Variants in NR3C2 observed in about 807,000 individuals in gnomAD.
NR3C2 encodes mineralocorticoid receptor.
NR3C2 carries 15 observed loss-of-function variants against 86.4 expected under a neutral mutation model. The ratio of observed to expected loss-of-function variants is 0.17; its 90% CI spans 0.12 to 0.27. The LOEUF is 0.27. Ranked by LOEUF, NR3C2 falls within the 10% of genes least tolerant of loss-of-function variation. NR3C2 has a pLI of 1.00. For missense variants in NR3C2, 960 were observed against 1,195.6 expected (o/e 0.80, Z 2.91); for synonymous variants, 458 against 450.5 (o/e 1.02, Z -0.21).
At chr4:148,357,683 T>C (rs954770444) in intron 2 of NR3C2, among the ~76,000 whole-genome samples, 5 of 152,202 alleles carry the variant, frequency 3.3e-5, no homozygotes, top group African/African-American at 4.8e-5. Context: ...AGGCTCTTCA[T>C]TTAACATTAA....
chr4:148,373,134 A>G (rs13144019), intron 2 of NR3C2, among the ~76,000 whole-genome samples: 61,259 of 152,012 alleles, frequency 0.4, 14,362 homozygotes, highest in East Asian at 0.75. Flanking sequence ...TTCTAAGGGA[A>G]GCCAAGTTCC....
At position 148,234,396 on chromosome 4, in the gene NR3C2, G is replaced by C. The variant is rs573560757; in HGVS notation, c.1897+25582C>G. On this transcript the variant is annotated intron_variant, in intron 3 of 8. Transcript: ENST00000358102. ...TTTAAAAAGGGGAGGGAGAGGCTGG[G>C]GGCAGTGGCTCAAGCCTGTAATCCC... Among the ~76,000 whole-genome samples, 134 of 152,214 alleles carry C rather than the reference G, an allele frequency of 8.8e-4. 1 individual carries two copies. Among genetic ancestry groups the C allele is most frequent in the African/African-American group, 3.2e-3 (131 of 41,550 alleles).
At chr4:148,262,972 C>T (rs1740200679) in intron 2 of NR3C2, among the ~76,000 whole-genome samples, 1 of 152,188 alleles carries the variant, frequency 6.6e-6, no homozygotes, top group African/African-American at 2.4e-5. Flanking sequence ...CACCTCTTAC[C>T]TGGGATTCTG....
intron 4 of NR3C2, among the ~76,000 whole-genome samples, chr4:148,159,912 C>A (rs1734578721): frequency 6.6e-6 from 1 of 152,156 alleles, no homozygotes; most frequent in African/African-American, 2.4e-5. Context: ...GGCCATTGAG[C>A]TTTGTGATCT....
At chr4:148,442,538 C>T (rs895370592), upstream of NR3C2, 1 of 532,820 alleles carries the variant, frequency 1.9e-6, no homozygotes. Flanking sequence ...GGTCACATGT[C>T]CAGATAAAGT....
At chr4:148,105,388 C>A (rs997923920) in intron 8 of NR3C2, among the ~76,000 whole-genome samples, 3 of 152,106 alleles carry the variant, frequency 2.0e-5, no homozygotes, top group East Asian at 1.9e-4. Context: ...TAATTAATAG[C>A]CTACCAACCA....
At chr4:148,394,448 G>T (rs1226907193) in intron 2 of NR3C2, among the ~76,000 whole-genome samples, 1 of 151,572 alleles carries the variant, frequency 6.6e-6, no homozygotes, top group East Asian at 1.9e-4. Context: ...GGGAGGCTGA[G>T]GCAGCAGGAA....
chr4:148,258,816 G>A (rs1739952499), intron 3 of NR3C2, among the ~76,000 whole-genome samples: 1 of 152,220 alleles, frequency 6.6e-6, no homozygotes, highest in Non-Finnish European at 1.5e-5. Context: ...CAGTATGTGA[G>A]CCAATGAATT....
At position 148,127,827 on chromosome 4, in the gene NR3C2, G is replaced by A. The variant is rs547929444; in HGVS notation, c.2511-7539C>T. Among the ~76,000 whole-genome samples, 286 of 152,278 alleles carry A rather than the reference G, an allele frequency of 1.9e-3. 1 individual carries two copies. The highest frequency in any genetic ancestry group is 6.7e-3 in the African/African-American group (278 of 41,580). On this transcript the variant is annotated intron_variant, in intron 6 of 8. Coordinates refer to ENST00000358102, the MANE Select transcript of NR3C2 (RefSeq NM_000901.5). ...TTGTAAACTTGAAATTTTCTCAAAT[G>A]AGGAAGCCAATTTTATTTGTAGCTA...
chr4:148,249,925 T>C (rs181861326), intron 3 of NR3C2, among the ~76,000 whole-genome samples: 117 of 152,270 alleles, frequency 7.7e-4, no homozygotes, highest in African/African-American at 2.6e-3. Context: ...GATGTGGATT[T>C]GGTTTATGGT....
At chr4:148,431,114 G>A (rs1332242813) in intron 2 of NR3C2, among the ~76,000 whole-genome samples, 1 of 152,064 alleles carries the variant, frequency 6.6e-6, no homozygotes. Flanking sequence ...ATGAGGAATT[G>A]TATAAATAAG....
At chr4:148,322,359 G>A (rs1001351747) in intron 2 of NR3C2, among the ~76,000 whole-genome samples, 1 of 140,426 alleles carries the variant, frequency 7.1e-6, no homozygotes, top group Admixed American at 7.2e-5. Flanking sequence ...CATGTGTCTT[G>A]GAGTTGCTCT....
rs564012399 is a variant in NR3C2, at chr4:148,376,158, A to C, written c.1757+58946T>G. On this transcript the variant is annotated intron_variant, in intron 2 of 8. Transcript: ENST00000358102. ...TCAGGAGTAAGGCAAAAAAAAAAAA[A>C]AAAACCCACGACGACTGGGCATTTT... Among the ~76,000 whole-genome samples, 3 of 151,740 alleles carry C rather than the reference A, an allele frequency of 2.0e-5. No individual in the cohort carries two copies. The South Asian group carries it at 6.2e-4, about 32-fold the overall frequency.
At chr4:148,097,757 T>G (rs956986039) in intron 8 of NR3C2, among the ~76,000 whole-genome samples, 17 of 150,228 alleles carry the variant, frequency 1.1e-4, no homozygotes, top group South Asian at 2.1e-4. Flanking sequence ...TTTTGTTTTT[T>G]TTTTTTTTTT....
intron 2 of NR3C2, among the ~76,000 whole-genome samples, chr4:148,363,144 C>T (rs987250371): frequency 6.6e-5 from 10 of 152,228 alleles, no homozygotes; most frequent in East Asian, 1.9e-4. Flanking sequence ...AAGGACAATA[C>T]GTGAAATGAC....
At position 148,258,469 on chromosome 4, in the gene NR3C2, T is replaced by TCCTTCC. The variant is rs550396160; in HGVS notation, c.1897+1503_1897+1508dup. Among the ~76,000 whole-genome samples the TCCTTCC allele has an allele frequency of 2.4e-3, 368 of 152,302 alleles. 1 individual carries two copies. Among genetic ancestry groups the TCCTTCC allele is most frequent in the Middle Eastern group, 0.014 (4 of 294 alleles). On this transcript the variant is annotated intron_variant, in intron 3 of 8. Coordinates refer to ENST00000358102, the MANE Select transcript of NR3C2 (RefSeq NM_000901.5). ...AACCCACATTTTCCTAAGGGAAACG[T>TCCTTCC]CCTTCCCCATTCTTGGTCTAGATGG...
chr4:148,318,246 G>A (rs560403162), intron 2 of NR3C2, among the ~76,000 whole-genome samples: 2 of 150,848 alleles, frequency 1.3e-5, no homozygotes, highest in African/African-American at 4.9e-5. Context: ...TGGTGTATAT[G>A]TGCCACATTT....
chr4:148,296,905 G>A (rs1742079817), intron 2 of NR3C2, among the ~76,000 whole-genome samples: 1 of 152,096 alleles, frequency 6.6e-6, no homozygotes, highest in Non-Finnish European at 1.5e-5. Context: ...CACTTTCTTT[G>A]TTTTACAATA....
intron 2 of NR3C2, among the ~76,000 whole-genome samples, chr4:148,427,184 G>A (rs746490108): frequency 9.2e-5 from 14 of 151,706 alleles, no homozygotes; most frequent in South Asian, 2.1e-4. Context: ...CAAACTCCTG[G>A]CCTCAAGTGA....
Sources: allele counts gnomAD v4.1 joint callset (sites outside exome capture counted in the v4.1 genomes callset), GRCh38; gene constraint gnomAD v4.1.1; transcripts MANE v1.5; gene names NCBI Gene and HGNC (gene_info 2026-07-23, HGNC 2026-07-21).